Variants in AASDH observed in about 807,000 individuals in gnomAD.
The protein encoded by AASDH is aminoadipate-semialdehyde dehydrogenase, also known as beta-alanine-activating enzyme.
AASDH carries 81 observed loss-of-function variants against 102.3 expected under a neutral mutation model. The observed-to-expected ratio is 0.79, with a 90% CI of 0.66 to 0.95. The LOEUF is 0.95. Among genes scored for constraint, AASDH ranks in the 40% least tolerant of loss-of-function variants. AASDH has a pLI of 0.00. For synonymous variants in AASDH, 398 were observed against 454.0 expected, an observed-to-expected ratio of 0.88 and a Z score of 1.57; for missense variants, 1,203 against 1,266.2, an observed-to-expected ratio of 0.95 and a Z score of 0.76.
chr4:56,372,567 A>C (rs1751854307), intron 4 of AASDH, among the ~76,000 whole-genome samples: 1 of 152,232 alleles, frequency 6.6e-6, no homozygotes, highest in African/African-American at 2.4e-5. Flanking sequence ...GAACACACAG[A>C]CACCACTACA....
chr4:56,376,439 C>CTCCT (rs1225904705), intron 4 of AASDH, among the ~76,000 whole-genome samples: 2 of 152,172 alleles, frequency 1.3e-5, no homozygotes, highest in East Asian at 3.8e-4. Context: ...ATTTCGTTAT[C>CTCCT]TCCTATTCTC....
At chr4:56,361,404 A>C (rs1750280374) in intron 5 of AASDH, among the ~76,000 whole-genome samples, 1 of 152,062 alleles carries the variant, frequency 6.6e-6, no homozygotes, top group African/African-American at 2.4e-5. Flanking sequence ...GTAAGATTCC[A>C]TCTCAAAAAA....
At chr4:56,378,556 A>AAGGATACTGAG in intron 3 of AASDH, 92 bp from the exon 4 acceptor site, 3 of 1,129,480 alleles carry the variant, frequency 2.7e-6, no homozygotes, top group Non-Finnish European at 3.7e-6. Context: ...GTCATCCCTC[A>AAGGATACTGAG]GTATCCTTGG....
chr4:56,344,168 T>C (rs1443462570), intron 12 of AASDH, among the ~76,000 whole-genome samples: 1 of 152,208 alleles, frequency 6.6e-6, no homozygotes, highest in African/African-American at 2.4e-5. Context: ...ATGCATATAT[T>C]TGACTATGTT....
chr4:56,356,651 G>T, intron 5 of AASDH: 1 of 687,914 alleles, frequency 1.5e-6, no homozygotes, highest in South Asian at 1.5e-5. Context: ...CCTGCCCTGT[G>T]TCATAAAATG....
chr4:56,339,559 T>C (rs1747386452), intron 14 of AASDH, among the ~76,000 whole-genome samples: 2 of 151,736 alleles, frequency 1.3e-5, no homozygotes, highest in African/African-American at 4.8e-5. Context: ...AAGACCAGCT[T>C]GGCCAACATG....
At chr4:56,384,025 A>G (rs755583180) in intron 2 of AASDH, 45 bp downstream of exon 2, 2 of 1,506,336 alleles carry the variant, frequency 1.3e-6, no homozygotes, top group African/African-American at 2.8e-5. Flanking sequence ...AAAAATTTAC[A>G]TTAGCTTGGA....
At chr4:56,367,218 GGA>G (rs1271893606) in intron 5 of AASDH, among the ~76,000 whole-genome samples, 1 of 151,794 alleles carries the variant, frequency 6.6e-6, no homozygotes, top group Non-Finnish European at 1.5e-5. Context: ...AAATAAAAGA[GGA>G]TACAAACAAA....
At position 56,368,721 on chromosome 4, in the gene AASDH, G is replaced by A. The variant is rs1474484312; in HGVS notation, c.861+2730C>T. On this transcript the variant is annotated intron_variant, in intron 5 of 14. Coordinates refer to ENST00000205214, the MANE Select transcript of AASDH (RefSeq NM_181806.4). The stretch of plus-strand genomic sequence containing the variant: ...ACACCACACACTGGGGACTTTTGTG[G>A]GGTGGGGGGAGGGGGGAGGGATAGC... Among the ~76,000 whole-genome samples the A allele has an allele frequency of 3.3e-5, 4 of 121,180 alleles. No homozygotes were observed. The Admixed American group carries it at 3.6e-4, about 11-fold the overall frequency. The allele number at this position is 121,180 out of a possible 152,430, so 79.5% of individuals were successfully genotyped here.
intron 5 of AASDH, among the ~76,000 whole-genome samples, chr4:56,365,279 C>A (rs1412383487): frequency 7.9e-5 from 12 of 151,942 alleles, no homozygotes; most frequent in Non-Finnish European, 1.2e-4. Context: ...GGGAGACTTT[C>A]ACACCCCACT....
chr4:56,373,362 C>T (rs1481810281), intron 4 of AASDH, among the ~76,000 whole-genome samples: 2 of 152,024 alleles, frequency 1.3e-5, no homozygotes, highest in Admixed American at 6.6e-5. Flanking sequence ...AGGCCGGTCT[C>T]GAACTCCTGA....
intron 5 of AASDH, among the ~76,000 whole-genome samples, chr4:56,368,340 T>A (rs376068349): frequency 2.6e-5 from 4 of 151,738 alleles, no homozygotes; most frequent in African/African-American, 7.3e-5. Context: ...AACTAGAAAT[T>A]CCATTTGACC....
Position 56,351,337 on chromosome 4 carries a change from T to C in AASDH, c.1692+5A>G. ...AATAATAATTTTATAACTTAAAAATTGTACCTTCCACAAATACTGTAATTT... is the reference window on the plus strand; with the variant it reads ...AATAATAATTTTATAACTTAAAAATCGTACCTTCCACAAATACTGTAATTT... On this transcript the variant is annotated splice_donor_5th_base_variant and intron_variant, in intron 10 of 14. Coordinates refer to ENST00000205214, the MANE Select transcript of AASDH (RefSeq NM_181806.4). 6.6e-7 allele frequency: 1 copy of C among 1,510,804 alleles called. No homozygotes were observed. The highest frequency in any genetic ancestry group is 9.1e-7 in the Non-Finnish European group (1 of 1,094,002). 93.6% of individuals were successfully genotyped at this position (1,510,804 alleles called of 1,614,324 possible).
chr4:56,376,984 G>A (rs1379803505), intron 4 of AASDH, among the ~76,000 whole-genome samples: 4 of 149,018 alleles, frequency 2.7e-5, no homozygotes, highest in Non-Finnish European at 4.5e-5. Context: ...GGAGAATGGC[G>A]TGAACCCGGG....
rs370837550 is a variant in AASDH at position 56,378,463 on chromosome 4, T to C, written c.353A>G (p.Lys118Arg). ...YILVEKKQIN[K>R]FKSFHETLLN... ...TAATGTTTCATGAAAAGATTTAAATTTCTGTGTGAAATGGGGGACAAAGTT... is the reference window on the plus strand; with the variant it reads ...TAATGTTTCATGAAAAGATTTAAATCTCTGTGTGAAATGGGGGACAAAGTT... The change falls in exon 4 of 15, where the codon AAA becomes AGA. Residue 118 changes from lysine to arginine, a missense_variant and splice_region_variant. By Grantham distance (26) the Lys-to-Arg change is conservative. Coordinates refer to ENST00000205214, the MANE Select transcript of AASDH (RefSeq NM_181806.4). 4 of 1,589,774 alleles carry C rather than the reference T, an allele frequency of 2.5e-6. No homozygotes were observed. In the African/African-American group the frequency reaches 5.4e-5, roughly 22 times the overall value.
intron 5 of AASDH, among the ~76,000 whole-genome samples, chr4:56,358,760 A>G (rs1404296946): frequency 1.3e-5 from 2 of 152,140 alleles, no homozygotes; most frequent in African/African-American, 2.4e-5. Context: ...GACTTATCCT[A>G]TGAAATGTGC....
intron 5 of AASDH, among the ~76,000 whole-genome samples, chr4:56,366,386 C>A (rs1386980664): frequency 1.3e-5 from 2 of 152,156 alleles, no homozygotes; most frequent in African/African-American, 2.4e-5. Context: ...CAGCATCATC[C>A]TGATAGCAAA....
rs780216309 is a variant in AASDH at position 56,345,158 on chromosome 4, T to C, written c.2621A>G (p.His874Arg). 4 of 1,613,952 alleles carry C rather than the reference T, an allele frequency of 2.5e-6. No homozygotes were observed. The highest frequency in any genetic ancestry group is 3.4e-6 in the Non-Finnish European group (4 of 1,179,952). Residue 874 changes from histidine (H) to arginine (R), a missense_variant, in exon 12 of 15, where the codon CAT becomes CGT. By Grantham distance (29) the His-to-Arg change is conservative. Transcript: ENST00000205214. ...PTTGLIYIGSHDQHAYALDIY... is the reference protein window; with the variant it reads ...PTTGLIYIGSRDQHAYALDIY... ...ATCTAAAGCATATGCGTGCTGGTCATGAGATCCAATGTAAATGAGTCCTGT... is the reference window on the plus strand; with the variant it reads ...ATCTAAAGCATATGCGTGCTGGTCACGAGATCCAATGTAAATGAGTCCTGT...
Position 56,338,543 on chromosome 4 carries a change from A to AGAT in AASDH, c.3153_3155dup (p.Ser1052dup). ...AAACACTTTGCAATTGTCCACTCTG[A>AGAT]GATTCCAAGATCCACACTTTCCCAT... On this transcript the variant is annotated inframe_insertion, in exon 15 of 15. Coordinates refer to ENST00000205214, the MANE Select transcript of AASDH (RefSeq NM_181806.4). The AGAT allele has an allele frequency of 6.2e-7, 1 of 1,612,616 alleles. No individual in the cohort carries two copies. Among genetic ancestry groups the AGAT allele is most frequent in the South Asian group, 1.1e-5 (1 of 90,886 alleles).
Sources: gnomAD v4.1 joint callset for allele counts (sites outside exome capture counted in the v4.1 genomes callset) on GRCh38, gnomAD v4.1.1 for gene constraint, MANE v1.5 for transcripts, NCBI Gene and HGNC (gene_info 2026-07-23, HGNC 2026-07-21) for gene names.